The following MACC1 variants were observed in gnomAD, a reference collection of about 807,000 sequenced individuals.
MACC1 encodes MET transcriptional regulator MACC1.
Under a neutral mutation model 70.7 loss-of-function variants are expected in MACC1, and 79 were observed. The observed-to-expected ratio is 1.12, with a 90% CI of 0.93 to 1.35. The LOEUF is 1.35. MACC1 is among the 40% of genes most tolerant of loss of function. The pLI, the probability that MACC1 is intolerant of heterozygous loss-of-function variation, is 0.00. For synonymous variants in MACC1, 361 were observed against 347.2 expected (o/e 1.04, Z -0.44); for missense variants, 1,106 against 978.1 (o/e 1.13, Z -1.74).
Position 20,159,334 on chromosome 7 carries a change from C to T in MACC1, c.1027G>A (p.Val343Ile). ...IQVKLIDLSQVMYLVVAAQAK... is the reference protein window; with the variant it reads ...IQVKLIDLSQIMYLVVAAQAK... ...TGTGCAGCAACCACTAGATACATTA[C>T]CTGACTCAAGTCGATTAGCTTGACT... is the stretch of plus-strand genomic sequence containing the variant. The change falls in exon 5 of 7, where the codon GTA becomes ATA. Residue 343 changes from valine (V) to isoleucine (I), a missense_variant. Coordinates refer to ENST00000400331, the MANE Select transcript of MACC1 (RefSeq NM_182762.4). 1 of 1,614,064 alleles carries T rather than the reference C, an allele frequency of 6.2e-7. No homozygotes were observed. Among genetic ancestry groups the T allele is most frequent in the Non-Finnish European group, 8.5e-7 (1 of 1,180,006 alleles).
chr7:20,140,791 T>A lies in MACC1; in HGVS notation c.*155A>T. ...AATTAATATAATGCTTTTCTGAGATTCTTTCTTTCCTACACACACACACAC... is the reference window on the plus strand; with the variant it reads ...AATTAATATAATGCTTTTCTGAGATACTTTCTTTCCTACACACACACACAC... On this transcript the variant is annotated 3_prime_UTR_variant, in exon 7 of 7. Coordinates refer to ENST00000400331, the MANE Select transcript of MACC1 (RefSeq NM_182762.4). The A allele has an allele frequency of 1.9e-6, 1 of 527,710 alleles. No individual in the cohort carries two copies. Among genetic ancestry groups the A allele is most frequent in the Admixed American group, 3.5e-5 (1 of 28,298 alleles). The allele number at this position is 527,710 out of a possible 1,614,324, so 32.7% of individuals were successfully genotyped here.
intron 6 of MACC1, among the ~76,000 whole-genome samples, chr7:20,142,264 T>C (rs564394128): frequency 6.6e-6 from 1 of 152,284 alleles, no homozygotes; most frequent in South Asian, 2.1e-4. Flanking sequence ...ATTTTAAAGT[T>C]AAAAGAATTA....
At chr7:20,211,982 C>T (rs1276052976) in intron 1 of MACC1, among the ~76,000 whole-genome samples, 1 of 152,074 alleles carries the variant, frequency 6.6e-6, no homozygotes, top group East Asian at 1.9e-4. Context: ...TTCAAACATT[C>T]AAAACAATCT....
intron 6 of MACC1, among the ~76,000 whole-genome samples, chr7:20,142,428 A>G (rs368743501): frequency 1.3e-5 from 2 of 152,212 alleles, no homozygotes; most frequent in African/African-American, 4.8e-5. Flanking sequence ...TTTGCAAGGT[A>G]GAGAATAAAA....
rs1782120715 is a variant in MACC1 at position 20,160,122 on chromosome 7, T to C, written c.239A>G (p.Asp80Gly). 5 of 1,613,198 alleles carry C rather than the reference T, an allele frequency of 3.1e-6. No individual in the cohort carries two copies. The highest frequency in any genetic ancestry group is 1.7e-5 in the Admixed American group (1 of 59,798). Residue 80 changes from aspartate (D) to glycine (G), a missense_variant, in exon 5 of 7, where the codon GAC (aspartate) becomes GGC (glycine). Physicochemically the swap from Asp to Gly is moderately conservative, Grantham distance 94. Transcript: ENST00000400331. ...CCTGTTATTTCTTAGTTGAGTTATG[T>C]CATCCAAAAATGGGTTAGAAGCAGA... ...QLSASNPFLD[D>G]ITQLRNNRKR...
chr7:20,196,679 A>G (rs576199424), intron 1 of MACC1, among the ~76,000 whole-genome samples: 25 of 152,252 alleles, frequency 1.6e-4, no homozygotes, highest in African/African-American at 6.0e-4. Flanking sequence ...ATTGTCATAG[A>G]AAAACATCTT....
chr7:20,140,657 T>G lies in MACC1; in HGVS notation c.*289A>C, dbSNP rs1284673380. On this transcript the variant is annotated 3_prime_UTR_variant, in exon 7 of 7. Transcript: ENST00000400331. ...TCTAAGAACAAAGCAGCCTAATACT[T>G]GTATTTGAAACATACACAAAAATAC... 3 of 297,216 alleles carry G rather than the reference T, an allele frequency of 1.0e-5. No homozygotes were observed. The highest frequency in any genetic ancestry group is 6.4e-5 in the African/African-American group (3 of 46,694). The allele number at this position is 297,216 out of a possible 1,614,324, so 18.4% of individuals were successfully genotyped here.
rs542200248 is a variant in MACC1 at position 20,155,201 on chromosome 7, G to A, written c.2158-820C>T. ...CTATACCTCTTCTTTGTTCAAATGA[G>A]CAAATAGAGTAGCTCCCCCTTAGGA... On this transcript the variant is annotated intron_variant, in intron 5 of 6. Transcript: ENST00000400331. 2.0e-5 allele frequency among the ~76,000 whole-genome samples: 3 copies of A among 152,180 alleles called. No individual in the cohort carries two copies. In the South Asian group the frequency reaches 6.2e-4, roughly 32 times the overall value.
chr7:20,152,261 C>T (rs984450607), intron 6 of MACC1, among the ~76,000 whole-genome samples: 1 of 151,990 alleles, frequency 6.6e-6, no homozygotes, highest in African/African-American at 2.4e-5. Flanking sequence ...AAAAAGCGGC[C>T]CAGCAACTGC....
In MACC1 at chr7:20,159,477, T is replaced by G. The variant is rs1168796763; in HGVS notation, c.884A>C (p.Glu295Ala). The G allele has an allele frequency of 2.5e-6, 4 of 1,614,118 alleles. No homozygotes were observed. In the South Asian group the frequency reaches 4.4e-5, roughly 18 times the overall value. The change falls in exon 5 of 7, where the codon GAA becomes GCA. Residue 295 changes from glutamate to alanine, a missense_variant. Glu to Ala is a moderately radical substitution (Grantham distance 107). Coordinates refer to ENST00000400331, the MANE Select transcript of MACC1 (RefSeq NM_182762.4). ...ALLLEMKIGA[E>A]VRKDPFSQVM... is the part of the protein sequence containing the mutation. ...TTGGCTGAAAGGATCCTTTCTTACTTCAGCCCCAATTTTCATCTCCAGCAA... is the reference window on the plus strand; with the variant it reads ...TTGGCTGAAAGGATCCTTTCTTACTGCAGCCCCAATTTTCATCTCCAGCAA...
intron 1 of MACC1, among the ~76,000 whole-genome samples, chr7:20,193,929 A>C (rs1782710564): frequency 6.6e-6 from 1 of 152,136 alleles, no homozygotes; most frequent in Non-Finnish European, 1.5e-5. Flanking sequence ...TGTTTAAAGA[A>C]AACATTTGCT....
At chr7:20,154,868 A>G (rs1041830552) in intron 5 of MACC1, among the ~76,000 whole-genome samples, 11 of 152,054 alleles carry the variant, frequency 7.2e-5, no homozygotes, top group Admixed American at 7.2e-4. Flanking sequence ...CCAAAATATG[A>G]CTTAAAACAT....
intron 1 of MACC1, among the ~76,000 whole-genome samples, chr7:20,182,222 A>G (rs142066080): frequency 0.02 from 3,021 of 151,244 alleles, 50 homozygotes; most frequent in Non-Finnish European, 0.028. Flanking sequence ...GGATAGCATT[A>G]GGAGATATAC....
At chr7:20,151,856 A>T (rs1781983498) in intron 6 of MACC1, among the ~76,000 whole-genome samples, 1 of 152,210 alleles carries the variant, frequency 6.6e-6, no homozygotes, top group Non-Finnish European at 1.5e-5. Context: ...ACTCTGCAAC[A>T]TAGTCACCAT....
intron 6 of MACC1, among the ~76,000 whole-genome samples, chr7:20,143,721 A>G (rs556048871): frequency 6.6e-6 from 1 of 152,272 alleles, no homozygotes; most frequent in East Asian, 1.9e-4. Flanking sequence ...ACAACAGAGT[A>G]GTGTCGATAG....
chr7:20,175,307 A>G (rs1456259620), intron 1 of MACC1, among the ~76,000 whole-genome samples: 2 of 152,116 alleles, frequency 1.3e-5, no homozygotes, highest in African/African-American at 4.8e-5. Context: ...TGTTACCACC[A>G]ATATCATAAA....
In MACC1 at chr7:20,160,120, T is replaced by C. The variant is rs369411460; in HGVS notation, c.241A>G (p.Ile81Val). The change falls in exon 5 of 7, where the codon ATA becomes GTA. Residue 81 changes from isoleucine (I) to valine (V), a missense_variant. Physicochemically the swap from Ile to Val is conservative, Grantham distance 29. Coordinates refer to ENST00000400331, the MANE Select transcript of MACC1 (RefSeq NM_182762.4). Reference sequence around the variant, plus strand: ...TTCCTGTTATTTCTTAGTTGAGTTATGTCATCCAAAAATGGGTTAGAAGCA... The same window carrying C: ...TTCCTGTTATTTCTTAGTTGAGTTACGTCATCCAAAAATGGGTTAGAAGCA... ...LSASNPFLDD[I>V]TQLRNNRKRN... is the part of the protein sequence containing the mutation. The C allele has an allele frequency of 3.1e-6, 5 of 1,613,274 alleles. No homozygotes were observed. The highest frequency in any genetic ancestry group is 1.7e-5 in the Admixed American group (1 of 59,810).
At chr7:20,176,193 G>A (rs1782390088) in intron 1 of MACC1, among the ~76,000 whole-genome samples, 2 of 152,056 alleles carry the variant, frequency 1.3e-5, no homozygotes, top group South Asian at 2.1e-4. Context: ...TTGTTTTATG[G>A]TCAGAGTATA....
intron 1 of MACC1, among the ~76,000 whole-genome samples, chr7:20,211,479 C>T (rs775991939): frequency 3.9e-5 from 6 of 151,958 alleles, no homozygotes; most frequent in African/African-American, 9.7e-5. Flanking sequence ...GGTTGAGAAA[C>T]GGAGAGGTTG....
Sources: gnomAD v4.1 joint callset for allele counts (sites outside exome capture counted in the v4.1 genomes callset) on GRCh38, gnomAD v4.1.1 for gene constraint, MANE v1.5 for transcripts, NCBI Gene and HGNC (gene_info 2026-07-23, HGNC 2026-07-21) for gene names.